The following TMEM178A variants were observed in gnomAD, a reference collection of about 807,000 sequenced individuals.
The protein encoded by TMEM178A is transmembrane protein 178.
A neutral mutation model predicts 29.1 loss-of-function variants in TMEM178A; 12 were observed. That is an observed-to-expected ratio of 0.41 (90% CI 0.26 to 0.67). The LOEUF (loss-of-function observed/expected upper bound fraction) is 0.67, where lower values mean the gene tolerates loss of function less well. TMEM178A is among the 30% of genes least tolerant of loss of function. The pLI is 0.29. For synonymous variants in TMEM178A, 210 were observed against 187.2 expected (o/e 1.12, Z -0.99); for missense variants, 366 against 419.1 (o/e 0.87, Z 1.11).
At chr2:39,684,610 T>C (rs1047787501) in intron 1 of TMEM178A, among the ~76,000 whole-genome samples, 1 of 152,198 alleles carries the variant, frequency 6.6e-6, no homozygotes, top group Non-Finnish European at 1.5e-5. Context: ...GACAGAACCA[T>C]CTAAAATAAA....
chr2:39,706,694 A>G (rs1429861130), intron 2 of TMEM178A, among the ~76,000 whole-genome samples: 4 of 151,924 alleles, frequency 2.6e-5, no homozygotes, highest in Non-Finnish European at 5.9e-5. Context: ...CTACATTTCT[A>G]TTGTTCTGTT....
the TMEM178A span, among the ~76,000 whole-genome samples, chr2:39,732,502 A>G: frequency 1.3e-5 from 2 of 152,164 alleles, no homozygotes; most frequent in Non-Finnish European, 2.9e-5. Flanking sequence ...TTGGCGTGTC[A>G]TTACTTCAAG....
chr2:39,667,140 A>G (rs1193460916), intron 1 of TMEM178A, among the ~76,000 whole-genome samples: 1 of 152,110 alleles, frequency 6.6e-6, no homozygotes, highest in Admixed American at 6.5e-5. Context: ...AGGAGAGAAA[A>G]TGTCCTCGCC....
chr2:39,727,492 C>A, the TMEM178A span, among the ~76,000 whole-genome samples: 92,387 of 152,112 alleles, frequency 0.61, 30,052 homozygotes, highest in African/African-American at 0.83. Context: ...CTCTCTGAAC[C>A]GACACATTTA....
rs950377919 is a variant in TMEM178A, at chr2:39,700,835, A to AT, written c.401-3236dup. On this transcript the variant is annotated intron_variant, in intron 1 of 3. Coordinates refer to ENST00000281961, the MANE Select transcript of TMEM178A (RefSeq NM_152390.3). The stretch of plus-strand genomic sequence containing the variant: ...GTTGTTATTGTTTCATTTACTACAT[A>AT]TTTTTTTTTTGTTATTTTCTTAGTG... Among the ~76,000 whole-genome samples, 232 of 145,998 alleles carry AT rather than the reference A, an allele frequency of 1.6e-3. 4 individuals carry two copies. Among genetic ancestry groups the AT allele is most frequent in the African/African-American group, 4.1e-3 (163 of 39,928 alleles).
intron 3 of TMEM178A, among the ~76,000 whole-genome samples, chr2:39,715,000 A>T (rs1672475353): frequency 6.6e-6 from 1 of 152,002 alleles, no homozygotes; most frequent in Admixed American, 6.6e-5. Flanking sequence ...CAAGTTTCCC[A>T]CTCTTTTTTT....
intron 1 of TMEM178A, among the ~76,000 whole-genome samples, chr2:39,693,348 G>A (rs1220961026): frequency 6.6e-6 from 1 of 152,190 alleles, no homozygotes; most frequent in Non-Finnish European, 1.5e-5. Context: ...TAGAGCAAAA[G>A]TAACCAGTAG....
At chr2:39,679,885 G>A (rs1027392913) in intron 1 of TMEM178A, among the ~76,000 whole-genome samples, 2 of 152,086 alleles carry the variant, frequency 1.3e-5, no homozygotes, top group African/African-American at 4.8e-5. Flanking sequence ...GAACCACCCT[G>A]CTGCTGTGTC....
At chr2:39,706,143 G>A (rs994244284) in intron 2 of TMEM178A, among the ~76,000 whole-genome samples, 2 of 152,224 alleles carry the variant, frequency 1.3e-5, no homozygotes, top group African/African-American at 4.8e-5. Context: ...CCAGGTACAC[G>A]TAGTCAGCCT....
intron 2 of TMEM178A, among the ~76,000 whole-genome samples, chr2:39,705,515 T>G (rs1671985982): frequency 6.6e-6 from 1 of 152,216 alleles, no homozygotes; most frequent in African/African-American, 2.4e-5. Context: ...CCCTTAACAT[T>G]AAACTCAGCG....
chr2:39,699,906 C>A (rs759056093), intron 1 of TMEM178A, among the ~76,000 whole-genome samples: 16 of 152,038 alleles, frequency 1.1e-4, no homozygotes, highest in Non-Finnish European at 1.8e-4. Context: ...TTTGCCTTAT[C>A]GGTTATTTAG....
downstream of TMEM178A, among the ~76,000 whole-genome samples, chr2:39,722,687 G>A (rs1194956593): frequency 6.6e-6 from 1 of 152,198 alleles, no homozygotes; most frequent in South Asian, 2.1e-4. Context: ...ACAGCAGATA[G>A]ACTATTGGTC....
the TMEM178A span, among the ~76,000 whole-genome samples, chr2:39,728,482 G>T: frequency 6.6e-6 from 1 of 151,788 alleles, no homozygotes; most frequent in Admixed American, 6.6e-5. Context: ...TCTTTTCTGG[G>T]CCACACTCTG....
At chr2:39,719,827 C>A (rs1338662513), downstream of TMEM178A, among the ~76,000 whole-genome samples, 1 of 152,052 alleles carries the variant, frequency 6.6e-6, no homozygotes, top group African/African-American at 2.4e-5. Flanking sequence ...ACCATGGACC[C>A]TCGATAATCG....
intron 1 of TMEM178A, among the ~76,000 whole-genome samples, chr2:39,695,558 A>G (rs1671502978): frequency 6.6e-6 from 1 of 151,406 alleles, no homozygotes. Flanking sequence ...TAGTTTTTGG[A>G]CTGTTCTAAA....
At chr2:39,712,509 G>A (rs563011749) in intron 3 of TMEM178A, among the ~76,000 whole-genome samples, 5 of 152,268 alleles carry the variant, frequency 3.3e-5, no homozygotes, top group Non-Finnish European at 4.4e-5. Context: ...CTGTGATATC[G>A]TGGTATCTTC....
chr2:39,723,905 C>T, the TMEM178A span, among the ~76,000 whole-genome samples: 5 of 152,200 alleles, frequency 3.3e-5, no homozygotes, highest in Non-Finnish European at 5.9e-5. Context: ...TAGATAGGTT[C>T]ACATTCCCCT....
downstream of TMEM178A, among the ~76,000 whole-genome samples, chr2:39,718,409 A>T (rs930799404): frequency 1.3e-5 from 2 of 152,244 alleles, no homozygotes; most frequent in Non-Finnish European, 2.9e-5. Context: ...CAATTAACTC[A>T]GAATATCCAC....
Position 39,717,500 on chromosome 2 carries a change from T to C in TMEM178A, c.*249T>C, listed in dbSNP as rs867400185. 1 of 382,732 alleles carries C rather than the reference T, an allele frequency of 2.6e-6. No homozygotes were observed. The highest frequency in any genetic ancestry group is 7.0e-4 in the Middle Eastern group (1 of 1,432). 23.7% of individuals were successfully genotyped at this position (382,732 alleles called of 1,614,324 possible). A position where few individuals can be genotyped will look rare whatever the true frequency, so the allele number is the denominator to read the frequency against. On this transcript the variant is annotated 3_prime_UTR_variant, in exon 4 of 4. Coordinates refer to ENST00000281961, the MANE Select transcript of TMEM178A (RefSeq NM_152390.3). ...AGGGAGCAGTGCCATGGGACATTTC[T>C]AGGTGTAGAGAAAGAAGAAACTGCA...
Sources: allele counts gnomAD v4.1 joint callset (sites outside exome capture counted in the v4.1 genomes callset), GRCh38; gene constraint gnomAD v4.1.1; transcripts MANE v1.5; gene names NCBI Gene and HGNC (gene_info 2026-07-23, HGNC 2026-07-21).